NRK: variants seen among roughly 807,000 people sequenced by gnomAD.
NRK encodes the protein Nik related kinase.
NRK carries 67 observed loss-of-function variants against 125.2 expected under a neutral mutation model. That is an observed-to-expected ratio of 0.54 (90% CI 0.44 to 0.66). The LOEUF is 0.66. Among genes scored for constraint, NRK ranks in the 30% least tolerant of loss-of-function variants. NRK has a pLI of 0.00. For missense variants in NRK, 1,224 were observed against 1,192.9 expected (o/e 1.03, Z -0.38); for synonymous variants, 458 against 429.0 (o/e 1.07, Z -0.84).
intron 21 of NRK, among the ~76,000 whole-genome samples, chrX:105,936,738 G>T (rs992387989): frequency 9.0e-6 from 1 of 110,999 alleles, no homozygotes; most frequent in Non-Finnish European, 1.9e-5. Flanking sequence ...CCTCTTATTT[G>T]GTCTTTAAAC....
intron 28 of NRK, among the ~76,000 whole-genome samples, chrX:105,953,811 A>G (rs1234513342): frequency 9.0e-6 from 1 of 111,722 alleles, no homozygotes; most frequent in African/African-American, 3.3e-5. Context: ...CCTACCTATT[A>G]TAGGAAATAA....
chrX:105,869,902 A>T (rs1884232545), intron 2 of NRK, among the ~76,000 whole-genome samples: 1 of 109,557 alleles, frequency 9.1e-6, no homozygotes, highest in Non-Finnish European at 1.9e-5. Flanking sequence ...CATTACATAA[A>T]GAAAGCAATC....
intron 1 of NRK, among the ~76,000 whole-genome samples, chrX:105,826,231 T>C (rs1486616817): frequency 2.3e-5 from 2 of 88,750 alleles, no homozygotes; most frequent in Non-Finnish European, 4.3e-5. Context: ...GATAATATAT[T>C]ATCATATATA....
At chrX:105,921,126 A>G (rs1168673432) in intron 16 of NRK, among the ~76,000 whole-genome samples, 1 of 104,569 alleles carries the variant, frequency 9.6e-6, no homozygotes, top group East Asian at 3.0e-4. Context: ...TGTGGCACAT[A>G]TACACCATGG....
chrX:105,935,375 G>A, intron 21 of NRK, 50 bp downstream of exon 21: 3 of 839,447 alleles, frequency 3.6e-6, no homozygotes, highest in Non-Finnish European at 5.0e-6. Flanking sequence ...TAGCAAACCT[G>A]TGAAAATCAT....
intron 23 of NRK, among the ~76,000 whole-genome samples, chrX:105,943,495 G>C (rs2147791677): frequency 9.0e-6 from 1 of 111,642 alleles, no homozygotes; most frequent in East Asian, 2.8e-4. Context: ...AACATTGTTT[G>C]GCTATTAGGA....
intron 4 of NRK, among the ~76,000 whole-genome samples, chrX:105,886,512 T>TTA (rs1303644946): frequency 9.7e-5 from 10 of 103,180 alleles, no homozygotes; most frequent in East Asian, 5.9e-4. Flanking sequence ...ATATTGATAA[T>TTA]TATATATATA....
chrX:105,833,681 T>G (rs2039224730), intron 2 of NRK, among the ~76,000 whole-genome samples: 1 of 111,631 alleles, frequency 9.0e-6, no homozygotes, highest in African/African-American at 3.3e-5. Context: ...TTTTTTAAAA[T>G]CAGGGTTTAT....
At chrX:105,925,517 AC>A (rs1490688265) in intron 19 of NRK, among the ~76,000 whole-genome samples, 1 of 110,764 alleles carries the variant, frequency 9.0e-6, no homozygotes, top group East Asian at 2.8e-4. Flanking sequence ...AATTATAGTT[AC>A]CCTATAGTGC....
Position 105,908,909 on chromosome X carries a change from A to G in NRK, c.1268A>G (p.Asp423Gly), listed in dbSNP as rs2040254865. The G allele has an allele frequency of 1.7e-6, 2 of 1,210,407 alleles. No homozygotes were observed. Among genetic ancestry groups the G allele is most frequent in the East Asian group, 3.0e-5 (1 of 33,753 alleles). Residue 423 changes from aspartate to glycine, a missense_variant, in exon 13 of 29, where the codon GAC (aspartate) becomes GGC (glycine). Coordinates refer to ENST00000243300, the MANE Select transcript of NRK (RefSeq NM_198465.4). ...ARVFMPLQAL[D>G]SAPKPLKGQA... The stretch of plus-strand genomic sequence containing the variant: ...GTATTCATGCCACTGCAGGCTCTGG[A>G]CAGTGCACCTAAGCCTCTAAAGGGG...
intron 9 of NRK, among the ~76,000 whole-genome samples, chrX:105,901,290 C>T (rs911825291): frequency 3.6e-5 from 4 of 111,148 alleles, no homozygotes; most frequent in Non-Finnish European, 7.5e-5. Context: ...TCTCTCAAGG[C>T]ACTGCTTTCT....
In NRK at chrX:105,909,100, G is replaced by A; in HGVS notation, c.1459G>A (p.Ala487Thr). 8.3e-7 allele frequency: 1 copy of A among 1,211,038 alleles called. No individual in the cohort carries two copies. ...CATGCCACTACAGGCACAGGTTAGG[G>A]CACCTAGGCTTCTGCAGGTACAGTC... Reference protein sequence around the residue: ...VLMPLQAQVRAPRLLQVQSQV... With the variant: ...VLMPLQAQVRTPRLLQVQSQV... Residue 487 changes from alanine to threonine, a missense_variant, in exon 13 of 29, where the codon GCA (alanine) becomes ACA (threonine). Physicochemically the swap from Ala to Thr is moderately conservative, Grantham distance 58 (BLOSUM62 0). Transcript: ENST00000243300.
At chrX:105,869,658 G>A (rs1295554458) in intron 2 of NRK, among the ~76,000 whole-genome samples, 1 of 111,694 alleles carries the variant, frequency 9.0e-6, no homozygotes, top group African/African-American at 3.3e-5. Context: ...ATTAAGGGCT[G>A]TTGTGTTTGT....
chrX:105,872,982 G>C (rs2039766869), intron 2 of NRK, among the ~76,000 whole-genome samples: 1 of 111,144 alleles, frequency 9.0e-6, no homozygotes, highest in Non-Finnish European at 1.9e-5. Flanking sequence ...TGGCATCCAA[G>C]CAAATGACTA....
chrX:105,920,819 A>T (rs1346631132), intron 16 of NRK, among the ~76,000 whole-genome samples: 3 of 105,688 alleles, frequency 2.8e-5, no homozygotes, highest in Non-Finnish European at 5.9e-5. Context: ...ATCACTAAAA[A>T]GTCAGGAAAC....
intron 2 of NRK, among the ~76,000 whole-genome samples, chrX:105,844,151 CCT>C (rs2039371803): frequency 9.1e-6 from 1 of 109,499 alleles, no homozygotes; most frequent in Non-Finnish European, 1.9e-5. Context: ...TGATTTATGC[CCT>C]TTCATACTTA....
intron 2 of NRK, among the ~76,000 whole-genome samples, chrX:105,864,075 T>C (rs757165728): frequency 3.9e-4 from 44 of 112,633 alleles, no homozygotes; most frequent in Non-Finnish European, 4.7e-4. Context: ...GACCTTTTTC[T>C]ATTGCTATGA....
chrX:105,839,761 G>A, intron 2 of NRK, among the ~76,000 whole-genome samples: 1 of 111,590 alleles, frequency 9.0e-6, no homozygotes, highest in South Asian at 3.7e-4. Context: ...TAGAGATAAG[G>A]AAGGAAGTAT....
chrX:105,888,307 A>G lies in NRK; in HGVS notation c.266A>G (p.Asp89Gly). Residue 89 changes from aspartate (D) to glycine (G), a missense_variant, in exon 5 of 29, where the codon GAT (aspartate) becomes GGT (glycine). Physicochemically the swap from Asp to Gly is moderately conservative, Grantham distance 94. Coordinates refer to ENST00000243300, the MANE Select transcript of NRK (RefSeq NM_198465.4). Reference protein sequence around the residue: ...VGWRYSDEEEDLRTELNLLRK... With the variant: ...VGWRYSDEEEGLRTELNLLRK... ...CTTATTCCATAGGATGAGGAAGAGG[A>G]TCTCAGGACTGAACTCAACCTTCTG... is the stretch of plus-strand genomic sequence containing the variant. 3 of 1,193,135 alleles carry G rather than the reference A, an allele frequency of 2.5e-6. No individual in the cohort carries two copies. Among genetic ancestry groups the G allele is most frequent in the Non-Finnish European group, 3.4e-6 (3 of 883,240 alleles).
Sources: allele counts gnomAD v4.1 joint callset (sites outside exome capture counted in the v4.1 genomes callset), GRCh38; gene constraint gnomAD v4.1.1; transcripts MANE v1.5; gene names NCBI Gene and HGNC (gene_info 2026-07-23, HGNC 2026-07-21).